The following TASOR variants were observed in gnomAD, a reference collection of about 807,000 sequenced individuals.
TASOR encodes the protein transcription activation suppressor.
A neutral mutation model predicts 178.6 loss-of-function variants in TASOR; 53 were observed. That is an observed-to-expected ratio of 0.30 (90% CI 0.24 to 0.37). TASOR has a LOEUF of 0.37. TASOR is among the 10% of genes least tolerant of loss of function. TASOR has a pLI of 1.00. For missense variants in TASOR, 1,815 were observed against 1,971.4 expected, an observed-to-expected ratio of 0.92 and a Z score of 1.50; for synonymous variants, 713 against 696.2, an observed-to-expected ratio of 1.02 and a Z score of -0.38.
intron 18 of TASOR, among the ~76,000 whole-genome samples, chr3:56,631,833 T>A (rs2076921793): frequency 6.6e-6 from 1 of 152,206 alleles, no homozygotes; most frequent in South Asian, 2.1e-4. Flanking sequence ...TCCACCCGTC[T>A]TGGCCTCCCA....
At chr3:56,639,045 T>A (rs1021815696) in intron 16 of TASOR, among the ~76,000 whole-genome samples, 12 of 152,186 alleles carry the variant, frequency 7.9e-5, no homozygotes, top group African/African-American at 2.7e-4. Context: ...TGTTTCCACC[T>A]CATAAAACAA....
At chr3:56,643,417 T>A (rs2077168797) in intron 14 of TASOR, among the ~76,000 whole-genome samples, 1 of 151,870 alleles carries the variant, frequency 6.6e-6, no homozygotes, top group African/African-American at 2.4e-5. Context: ...GTTAGGAGGT[T>A]ACCTCATAAA....
intron 11 of TASOR, among the ~76,000 whole-genome samples, chr3:56,649,837 G>C (rs780992458): frequency 1.3e-5 from 2 of 152,220 alleles, no homozygotes; most frequent in South Asian, 4.1e-4. Context: ...ATGAGCAAAG[G>C]TGAGTTGTAA....
chr3:56,669,535 C>A (rs1471205850), intron 5 of TASOR, among the ~76,000 whole-genome samples, 165 bp downstream of exon 5: 1 of 151,994 alleles, frequency 6.6e-6, no homozygotes, highest in Non-Finnish European at 1.5e-5. Context: ...AAACAACACA[C>A]ACACAAAAAA....
At chr3:56,631,370 C>A (rs1320839926) in intron 18 of TASOR, among the ~76,000 whole-genome samples, 1 of 152,118 alleles carries the variant, frequency 6.6e-6, no homozygotes, top group Non-Finnish European at 1.5e-5. Flanking sequence ...GGTAAGTAAA[C>A]TCCATAAATG....
Position 56,682,700 on chromosome 3 carries a change from G to A in TASOR, c.307C>T (p.Pro103Ser). ...CCTTTCTTTTCTCTGCTCTTCCTGG[G>A]GATCTGAAAACTCCTCCTAACAGGC... Reference protein sequence around the residue: ...ERPVRRSFQIPRKSREKKALF... With the variant: ...ERPVRRSFQISRKSREKKALF... Residue 103 changes from proline (P) to serine (S), a missense_variant, in exon 1 of 24, where the codon CCC becomes TCC. Pro to Ser is a moderately conservative substitution (Grantham distance 74). Around this residue, in one of 5 missense-constraint regions of TASOR, gnomAD observed 244 missense variants for 202.7 expected, o/e 1.20. Transcript: ENST00000683822. 6.8e-7 allele frequency: 1 copy of A among 1,481,144 alleles called. No individual in the cohort carries two copies. The highest frequency in any genetic ancestry group is 9.0e-7 in the Non-Finnish European group (1 of 1,113,112). The allele number at this position is 1,481,144 out of a possible 1,614,324, so 91.8% of individuals were successfully genotyped here. A position where few individuals can be genotyped will look rare whatever the true frequency, so the allele number is the denominator to read the frequency against.
intron 1 of TASOR, among the ~76,000 whole-genome samples, chr3:56,675,610 A>C (rs1194718738): frequency 1.3e-5 from 2 of 152,206 alleles, no homozygotes; most frequent in African/African-American, 4.8e-5. Flanking sequence ...CTATACATAT[A>C]TATATTTCCC....
In TASOR at chr3:56,673,673, A is replaced by G. The variant is rs530863253; in HGVS notation, c.384T>C (p.Asn128=). ...PGSREFEDVV[N]ILHSSYLEPT... Reference sequence around the variant, plus strand: ...GTTCAAGGTAAGAAGAATGGAGAATATTTACAACATCTTCAAATTCTCGAG... The same window carrying G: ...GTTCAAGGTAAGAAGAATGGAGAATGTTTACAACATCTTCAAATTCTCGAG... The change falls in exon 2 of 24, where the codon AAT becomes AAC. Residue 128 remains asparagine (N), a synonymous_variant. Coordinates refer to ENST00000683822, the MANE Select transcript of TASOR (RefSeq NM_001365635.2). 1.2e-3 allele frequency: 1,821 copies of G among 1,550,798 alleles called. 48 individuals carry two copies. The South Asian group carries it at 0.021, about 18-fold the overall frequency.
intron 3 of TASOR, among the ~76,000 whole-genome samples, chr3:56,670,964 G>GAAAAAAAAAAAA (rs2030656736): frequency 4.3e-5 from 5 of 116,882 alleles, no homozygotes; most frequent in African/African-American, 1.8e-4. Flanking sequence ...AAAAAAAAAG[G>GAAAAAAAAAAAA]AAAAATGGTT....
At chr3:56,635,211 TTAAC>T (rs2076992187) in intron 17 of TASOR, among the ~76,000 whole-genome samples, 1 of 152,200 alleles carries the variant, frequency 6.6e-6, no homozygotes, top group Non-Finnish European at 1.5e-5. Context: ...AGTACACTCA[TTAAC>T]TATTGCAAAG....
At position 56,661,007 on chromosome 3, in the gene TASOR, A is replaced by C; in HGVS notation, c.1171T>G (p.Leu391Val). Residue 391 changes from leucine to valine, a missense_variant, in exon 10 of 24, where the codon TTA (leucine) becomes GTA (valine). Around this residue, in one of 5 missense-constraint regions of TASOR, gnomAD observed 504 missense variants for 645.3 expected, o/e 0.78. Transcript: ENST00000683822. ...ATACTCATAACTGTTTCAACATCTAATTTCTCAGGTCTGAAAGAAAATTTT... is the reference window on the plus strand; with the variant it reads ...ATACTCATAACTGTTTCAACATCTACTTTCTCAGGTCTGAAAGAAAATTTT... ...AFLPIKLPEK[L>V]DVETVMSIDH... 6.3e-7 allele frequency: 1 copy of C among 1,599,108 alleles called. No individual in the cohort carries two copies. Among genetic ancestry groups the C allele is most frequent in the Non-Finnish European group, 8.6e-7 (1 of 1,169,396 alleles).
At chr3:56,648,655 A>C (rs2077286970) in intron 13 of TASOR, among the ~76,000 whole-genome samples, 167 bp downstream of exon 13, 1 of 134,784 alleles carries the variant, frequency 7.4e-6, no homozygotes, top group Admixed American at 7.9e-5. Flanking sequence ...AAAAAAAAAA[A>C]AAAAAATTCA....
chr3:56,626,714 G>A (rs1440880391), intron 21 of TASOR, among the ~76,000 whole-genome samples: 1 of 151,774 alleles, frequency 6.6e-6, no homozygotes, highest in Non-Finnish European at 1.5e-5. Flanking sequence ...TTGCACTCCA[G>A]CCTGGGCTAC....
At chr3:56,632,254 C>T (rs1205331370) in intron 18 of TASOR, among the ~76,000 whole-genome samples, 3 of 151,908 alleles carry the variant, frequency 2.0e-5, no homozygotes, top group Admixed American at 6.6e-5. Flanking sequence ...GGACGGATCA[C>T]GAGGCCAGGA....
chr3:56,667,638 C>G (rs1826119), intron 6 of TASOR, among the ~76,000 whole-genome samples: 4,849 of 152,300 alleles, frequency 0.032, 106 homozygotes, highest in Middle Eastern at 0.078. Flanking sequence ...GACTGGACAA[C>G]AGAGCGAGAC....
At chr3:56,630,882 ATG>A (rs1486136086) in intron 18 of TASOR, among the ~76,000 whole-genome samples, 4 of 120,232 alleles carry the variant, frequency 3.3e-5, no homozygotes, top group African/African-American at 1.3e-4. Flanking sequence ...TCAAATAGGT[ATG>A]TGTTACAAAT....
chr3:56,665,272 T>C (rs1460864034), intron 7 of TASOR, among the ~76,000 whole-genome samples: 1 of 152,212 alleles, frequency 6.6e-6, no homozygotes. Context: ...AAATATTTGA[T>C]TGGTTTGTGG....
intron 3 of TASOR, among the ~76,000 whole-genome samples, chr3:56,670,778 A>T (rs1354927843): frequency 1.3e-5 from 2 of 151,480 alleles, no homozygotes; most frequent in East Asian, 3.9e-4. Flanking sequence ...TCTACTAAAA[A>T]CGCAAAAAAA....
rs1441421350 is a variant in TASOR, at chr3:56,660,773, A to G, written c.1326T>C (p.Ser442=). Residue 442 remains serine (S), a synonymous_variant, in exon 11 of 24, where the codon AGT becomes AGC. Transcript: ENST00000683822. ...GTTTTTGCAGTAAACTCTCCATGTT[A>G]CTTCCAATTCTTGTCTTTTCCACAA... The part of the protein sequence containing the change: ...YEVVEKTRIG[S]NMESLLQKLD... 1 of 1,613,762 alleles carries G rather than the reference A, an allele frequency of 6.2e-7. No homozygotes were observed. The highest frequency in any genetic ancestry group is 8.5e-7 in the Non-Finnish European group (1 of 1,179,972).
Sources: gnomAD v4.1 joint callset for allele counts (sites outside exome capture counted in the v4.1 genomes callset) on GRCh38, gnomAD v4.1.1 for gene constraint, gnomAD v4.1.1 regional missense constraint, MANE v1.5 for transcripts, NCBI Gene and HGNC (gene_info 2026-07-23, HGNC 2026-07-21) for gene names.